The following KIF6 variants were observed in gnomAD, a reference collection of about 807,000 sequenced individuals.
KIF6 encodes the protein kinesin family member 6.
In KIF6, 106 loss-of-function variants were observed where a neutral mutation model predicts 112.7. That is an observed-to-expected ratio of 0.94 (90% CI 0.80 to 1.11). KIF6 has a LOEUF of 1.11. Ranked by LOEUF, KIF6 falls within the 50% of genes least tolerant of loss-of-function variation. KIF6 has a pLI of 0.00. For missense variants in KIF6, 929 were observed against 964.0 expected (o/e 0.96, Z 0.48); for synonymous variants, 339 against 339.9 (o/e 1.00, Z 0.03).
intron 13 of KIF6, among the ~76,000 whole-genome samples, chr6:39,483,215 C>G (rs1774910184): frequency 6.6e-6 from 1 of 152,176 alleles, no homozygotes; most frequent in Non-Finnish European, 1.5e-5. Context: ...ACAGAATAGA[C>G]AAAATATAGG....
At chr6:39,585,800 A>G (rs1050170898) in intron 8 of KIF6, among the ~76,000 whole-genome samples, 9 of 152,196 alleles carry the variant, frequency 5.9e-5, no homozygotes, top group Non-Finnish European at 1.3e-4. Flanking sequence ...GCTGACTCTA[A>G]AGCAACCCAG....
intron 13 of KIF6, among the ~76,000 whole-genome samples, chr6:39,531,566 A>T (rs994115735): frequency 5.9e-5 from 9 of 152,130 alleles, no homozygotes; most frequent in African/African-American, 1.9e-4. Context: ...AGGTTCTAAC[A>T]TGAGTACCGA....
At chr6:39,552,772 A>G (rs897956370) in intron 10 of KIF6, among the ~76,000 whole-genome samples, 1 of 152,194 alleles carries the variant, frequency 6.6e-6, no homozygotes, top group Non-Finnish European at 1.5e-5. Context: ...AGAGTTTTTA[A>G]CAGGCTGAAA....
intron 13 of KIF6, among the ~76,000 whole-genome samples, chr6:39,502,660 C>T (rs1293217115): frequency 1.3e-5 from 2 of 152,060 alleles, no homozygotes; most frequent in Non-Finnish European, 1.5e-5. Context: ...ATTTACCAAG[C>T]AAATGGAAAA....
chr6:39,638,581 T>G (rs1784745130), intron 4 of KIF6, among the ~76,000 whole-genome samples: 1 of 152,108 alleles, frequency 6.6e-6, no homozygotes, highest in Admixed American at 6.6e-5. Context: ...TGAGCTGAAC[T>G]AATGGATAAT....
intron 15 of KIF6, among the ~76,000 whole-genome samples, chr6:39,393,242 A>G (rs1768019091): frequency 6.6e-6 from 1 of 152,234 alleles, no homozygotes; most frequent in African/African-American, 2.4e-5. Flanking sequence ...TCCCTAAAAG[A>G]ACTCAACTGA....
At chr6:39,453,743 T>C (rs1039463721) in intron 13 of KIF6, among the ~76,000 whole-genome samples, 1 of 152,218 alleles carries the variant, frequency 6.6e-6, no homozygotes, top group Non-Finnish European at 1.5e-5. Flanking sequence ...ATAACAGTCA[T>C]TAATCACCTC....
intron 18 of KIF6, among the ~76,000 whole-genome samples, chr6:39,358,824 G>A (rs533983150): frequency 2.0e-5 from 3 of 152,238 alleles, no homozygotes; most frequent in Admixed American, 6.5e-5. Flanking sequence ...TGTCACCAAC[G>A]GAAATCAAGC....
intron 10 of KIF6, among the ~76,000 whole-genome samples, chr6:39,567,027 G>A (rs752085554): frequency 6.6e-5 from 10 of 152,120 alleles, no homozygotes; most frequent in Admixed American, 1.3e-4. Flanking sequence ...TTTTCTTCCT[G>A]TGTGCATGCA....
chr6:39,605,179 T>C (rs1782816424), intron 6 of KIF6, among the ~76,000 whole-genome samples: 1 of 152,116 alleles, frequency 6.6e-6, no homozygotes, highest in Non-Finnish European at 1.5e-5. Flanking sequence ...ACCCAAAATG[T>C]CTGCCCAACC....
At chr6:39,582,188 T>C (rs911224266) in intron 9 of KIF6, among the ~76,000 whole-genome samples, 1 of 152,222 alleles carries the variant, frequency 6.6e-6, no homozygotes, top group African/African-American at 2.4e-5. Context: ...ATTATTCTCC[T>C]GTCTTATTGA....
chr6:39,347,733 T>C (rs1763916383), intron 19 of KIF6, among the ~76,000 whole-genome samples: 1 of 152,236 alleles, frequency 6.6e-6, no homozygotes, highest in Non-Finnish European at 1.5e-5. Context: ...CAAGGTACTC[T>C]ACAGACCTGA....
intron 22 of KIF6, among the ~76,000 whole-genome samples, chr6:39,337,227 C>CTTTCTTTCTTTCTT (rs1763067643): frequency 1.1e-5 from 1 of 94,916 alleles, no homozygotes; most frequent in African/African-American, 7.3e-5. Flanking sequence ...TTCTTTCTTT[C>CTTTCTTTCTTTCTT]TTTCTTTCTT....
At chr6:39,695,293 G>A (rs1296678529) in intron 3 of KIF6, among the ~76,000 whole-genome samples, 1 of 152,036 alleles carries the variant, frequency 6.6e-6, no homozygotes, top group African/African-American at 2.4e-5. Flanking sequence ...AAGAGCAAAT[G>A]CAACAAAAAC....
chr6:39,606,971 T>TCATA (rs1390327306), intron 6 of KIF6, among the ~76,000 whole-genome samples: 1 of 152,170 alleles, frequency 6.6e-6, no homozygotes, highest in Non-Finnish European at 1.5e-5. Context: ...TAAGTCAAAT[T>TCATA]CATAGTATTT....
At chr6:39,640,968 T>G (rs954705727) in intron 3 of KIF6, among the ~76,000 whole-genome samples, 1 of 152,166 alleles carries the variant, frequency 6.6e-6, no homozygotes, top group Admixed American at 6.6e-5. Context: ...TGATTCAATG[T>G]TCTACTTTTG....
chr6:39,385,677 C>G lies in KIF6; in HGVS notation c.1811-5G>C, dbSNP rs1005135426. 6.2e-7 allele frequency: 1 copy of G among 1,603,434 alleles called. No homozygotes were observed. The highest frequency in any genetic ancestry group is 8.5e-7 in the Non-Finnish European group (1 of 1,174,482). ...TGATTTCTTCCTTCAGGTGACCTGCCAAAGACACAAAAGAAAACTACCAGT... is the reference window on the plus strand; with the variant it reads ...TGATTTCTTCCTTCAGGTGACCTGCGAAAGACACAAAAGAAAACTACCAGT... On this transcript the variant is annotated splice_polypyrimidine_tract_variant and splice_region_variant and intron_variant, in intron 15 of 22. Coordinates refer to ENST00000287152, the MANE Select transcript of KIF6 (RefSeq NM_145027.6).
At chr6:39,588,228 T>C (rs1781741758) in intron 7 of KIF6, among the ~76,000 whole-genome samples, 1 of 152,186 alleles carries the variant, frequency 6.6e-6, no homozygotes, top group Non-Finnish European at 1.5e-5. Context: ...CATTTATTTA[T>C]TTATTTGAGA....
chr6:39,613,852 A>C (rs574170356), intron 5 of KIF6, among the ~76,000 whole-genome samples: 18 of 152,334 alleles, frequency 1.2e-4, no homozygotes, highest in Middle Eastern at 6.8e-3. Context: ...AAGGTGAATA[A>C]AAAATTTTCA....
Sources: allele counts gnomAD v4.1 joint callset (sites outside exome capture counted in the v4.1 genomes callset), GRCh38; gene constraint gnomAD v4.1.1; transcripts MANE v1.5; gene names NCBI Gene and HGNC (gene_info 2026-07-23, HGNC 2026-07-21).